The following GABRB1 variants were observed in gnomAD, a reference collection of about 807,000 sequenced individuals.
The protein encoded by GABRB1 is gamma-aminobutyric acid type A receptor subunit beta1.
Under a neutral mutation model 51.6 loss-of-function variants are expected in GABRB1, and 17 were observed. The ratio of observed to expected loss-of-function variants is 0.33; its 90% CI spans 0.23 to 0.49. The LOEUF is 0.49. Ranked by LOEUF, GABRB1 falls within the 20% of genes least tolerant of loss-of-function variation. The pLI, the probability that GABRB1 is intolerant of heterozygous loss-of-function variation, is 0.99. For synonymous variants in GABRB1, 247 were observed against 218.9 expected (o/e 1.13, Z -1.14); for missense variants, 410 against 600.6 (o/e 0.68, Z 3.32).
chr4:47,048,832 C>A (rs761493442), intron 3 of GABRB1, among the ~76,000 whole-genome samples: 1 of 152,096 alleles, frequency 6.6e-6, no homozygotes, highest in African/African-American at 2.4e-5. Flanking sequence ...ACAATAATTT[C>A]TTTCCCTTTA....
chr4:47,136,583 A>G (rs1716667033), intron 3 of GABRB1, among the ~76,000 whole-genome samples: 1 of 152,120 alleles, frequency 6.6e-6, no homozygotes, highest in African/African-American at 2.4e-5. Context: ...AAGATCAAGG[A>G]GGACCATAGT....
At chr4:47,323,368 G>A (rs191252253) in intron 5 of GABRB1, among the ~76,000 whole-genome samples, 3 of 152,324 alleles carry the variant, frequency 2.0e-5, no homozygotes, top group Non-Finnish European at 2.9e-5. Context: ...AAGTGAATTA[G>A]CATATGCCAA....
chr4:47,378,324 G>C lies in GABRB1; in HGVS notation c.545-24994G>C, dbSNP rs531697103. Among the ~76,000 whole-genome samples, 56 of 152,340 alleles carry C rather than the reference G, an allele frequency of 3.7e-4. 1 individual carries two copies. In the East Asian group the frequency reaches 0.01, roughly 28 times the overall value. On this transcript the variant is annotated intron_variant, in intron 5 of 8. Coordinates refer to ENST00000295454, the MANE Select transcript of GABRB1 (RefSeq NM_000812.4). ...TAAGCCCCTCATTGCCTGGCGCGCC[G>C]GCAGGGCCGGCCGGCCGCTCCAAGT...
intron 4 of GABRB1, among the ~76,000 whole-genome samples, chr4:47,217,960 A>G (rs1720619065): frequency 6.6e-6 from 1 of 151,734 alleles, no homozygotes; most frequent in Non-Finnish European, 1.5e-5. Context: ...GTTTCTACCC[A>G]TTAACCAATC....
intron 3 of GABRB1, chr4:47,032,918 A>G: frequency 8.3e-6 from 3 of 359,568 alleles, no homozygotes; most frequent in South Asian, 6.1e-5. Context: ...GCAGTCCGCG[A>G]GCCCGGATGC....
Position 47,002,392 on chromosome 4 carries a change from A to AT in GABRB1, c.-20+8474dup, listed in dbSNP as rs953208228. Reference sequence around the variant, plus strand: ...TATATTTGCATTGGATATTTTAATCATTTTTTTTACTGGTGATATGAAGGA... The same window carrying AT: ...TATATTTGCATTGGATATTTTAATCATTTTTTTTTACTGGTGATATGAAGGA... On this transcript the variant is annotated intron_variant, in intron 1 of 3. Transcript: ENST00000513567. 6.6e-4 allele frequency among the ~76,000 whole-genome samples: 101 copies of AT among 152,026 alleles called. 1 individual carries two copies. Among genetic ancestry groups the AT allele is most frequent in the African/African-American group, 2.1e-3 (89 of 41,476 alleles).
At chr4:47,035,729 C>A (rs1055516965) in intron 3 of GABRB1, among the ~76,000 whole-genome samples, 1 of 152,116 alleles carries the variant, frequency 6.6e-6, no homozygotes, top group Non-Finnish European at 1.5e-5. Context: ...CAAGAGCTCC[C>A]AGAAATTGTC....
At chr4:47,405,734 A>C (rs950890359) in intron 7 of GABRB1, among the ~76,000 whole-genome samples, 21 of 152,162 alleles carry the variant, frequency 1.4e-4, no homozygotes, top group Non-Finnish European at 2.6e-4. Flanking sequence ...CACTATACAA[A>C]TGTATAATAT....
At chr4:47,422,863 C>T (rs1729134931) in intron 8 of GABRB1, among the ~76,000 whole-genome samples, 1 of 152,192 alleles carries the variant, frequency 6.6e-6, no homozygotes, top group Non-Finnish European at 1.5e-5. Flanking sequence ...TTCAGCCTAA[C>T]AGGCTGACAG....
At chr4:47,053,362 A>G (rs946562999) in intron 3 of GABRB1, among the ~76,000 whole-genome samples, 1 of 152,158 alleles carries the variant, frequency 6.6e-6, no homozygotes, top group Non-Finnish European at 1.5e-5. Context: ...AGGTCTTCTT[A>G]GTTCATAGAC....
chr4:46,998,899 T>C (rs1371252525), intron 1 of GABRB1, among the ~76,000 whole-genome samples: 2 of 152,010 alleles, frequency 1.3e-5, no homozygotes, highest in Non-Finnish European at 1.5e-5. Flanking sequence ...TCAGAATAAG[T>C]TTAGAAGTGC....
chr4:47,134,055 A>G (rs1943126667), intron 3 of GABRB1, among the ~76,000 whole-genome samples: 1 of 152,168 alleles, frequency 6.6e-6, no homozygotes, highest in Admixed American at 6.6e-5. Flanking sequence ...CTTCAAAATG[A>G]TTAGAGGGAG....
At position 47,042,437 on chromosome 4, in the gene GABRB1, TATAA is replaced by T. The variant is rs1395414603; in HGVS notation, c.240+9955_240+9958del. On this transcript the variant is annotated intron_variant, in intron 3 of 8. Coordinates refer to ENST00000295454, the MANE Select transcript of GABRB1 (RefSeq NM_000812.4). ...CAGTATATATATATATATATATATA[TATAA>T]AATACGTGTGTGAGTATGTGCACAG... Among the ~76,000 whole-genome samples the T allele has an allele frequency of 3.6e-3, 515 of 144,760 alleles. 2 individuals carry two copies. Among genetic ancestry groups the T allele is most frequent in the African/African-American group, 9.3e-3 (373 of 39,928 alleles). 95.0% of individuals were successfully genotyped at this position (144,760 alleles called of 152,430 possible). A position where few individuals can be genotyped will look rare whatever the true frequency, so the allele number is the denominator to read the frequency against.
chr4:47,425,164 G>A (rs1325978809), intron 8 of GABRB1, among the ~76,000 whole-genome samples: 1 of 152,132 alleles, frequency 6.6e-6, no homozygotes, highest in Non-Finnish European at 1.5e-5. Context: ...AACAAGGAAA[G>A]ATGCCCAGGC....
At chr4:47,202,974 G>T (rs888723878) in intron 4 of GABRB1, among the ~76,000 whole-genome samples, 1 of 152,152 alleles carries the variant, frequency 6.6e-6, no homozygotes, top group Non-Finnish European at 1.5e-5. Context: ...AGTTGGCAAG[G>T]GTTGGAACAG....
intron 1 of GABRB1, among the ~76,000 whole-genome samples, chr4:47,009,308 A>T (rs1480657823): frequency 1.3e-5 from 2 of 151,760 alleles, no homozygotes; most frequent in East Asian, 3.9e-4. Context: ...AAAACATCAC[A>T]TTTACCACAC....
chr4:47,265,184 T>C (rs1016863747), intron 4 of GABRB1, among the ~76,000 whole-genome samples: 3 of 152,166 alleles, frequency 2.0e-5, no homozygotes, highest in Admixed American at 1.3e-4. Context: ...CTCCCACTTA[T>C]AGGTGAGAAT....
chr4:47,209,627 C>G (rs1318780600), intron 4 of GABRB1, among the ~76,000 whole-genome samples: 1 of 152,068 alleles, frequency 6.6e-6, no homozygotes, highest in Non-Finnish European at 1.5e-5. Flanking sequence ...GTGGCAGAGA[C>G]CATGTGCCAT....
intron 5 of GABRB1, among the ~76,000 whole-genome samples, chr4:47,364,333 C>G (rs1389255524): frequency 6.6e-6 from 1 of 151,924 alleles, no homozygotes; most frequent in Non-Finnish European, 1.5e-5. Flanking sequence ...AAGCTTCTTG[C>G]CTTTTTGTAG....
Sources: gnomAD v4.1 joint callset for allele counts (sites outside exome capture counted in the v4.1 genomes callset) on GRCh38, gnomAD v4.1.1 for gene constraint, MANE v1.5 for transcripts, NCBI Gene and HGNC (gene_info 2026-07-23, HGNC 2026-07-21) for gene names.